Variants in NAALADL2 observed in about 807,000 individuals in gnomAD.
NAALADL2 encodes N-acetylated alpha-linked acidic dipeptidase like 2, also known as inactive N-acetylated-alpha-linked acidic dipeptidase-like protein 2.
In NAALADL2, 76 loss-of-function variants were observed where a neutral mutation model predicts 87.2. That is an observed-to-expected ratio of 0.87 (90% confidence interval 0.72 to 1.05). The LOEUF (loss-of-function observed/expected upper bound fraction) is 1.05, where lower values mean the gene tolerates loss of function less well. Ranked by LOEUF, NAALADL2 falls within the 50% of genes least tolerant of loss-of-function variation. The probability of loss-of-function intolerance (pLI) is 0.00; values close to 1 mark genes in which losing one functional copy is unlikely to be tolerated. For synonymous variants in NAALADL2, 354 were observed against 331.0 expected (o/e 1.07, Z -0.75); for missense variants, 1,089 against 945.8 (o/e 1.15, Z -1.99).
rs191851311 is a variant in NAALADL2, at chr3:175,155,136, G to A, written c.545+57845G>A. Among the ~76,000 whole-genome samples the A allele has an allele frequency of 2.8e-3, 427 of 152,266 alleles. 1 individual carries two copies. Among genetic ancestry groups the A allele is most frequent in the Middle Eastern group, 6.8e-3 (2 of 294 alleles). Reference sequence around the variant, plus strand: ...GCTGTGTGTAACAAACCCCTGGAGAGATGACAAAGCATAGGATGCCTGAGT... The same window carrying A: ...GCTGTGTGTAACAAACCCCTGGAGAAATGACAAAGCATAGGATGCCTGAGT... On this transcript the variant is annotated intron_variant, in intron 2 of 13. Coordinates refer to ENST00000454872, the MANE Select transcript of NAALADL2 (RefSeq NM_207015.3).
At chr3:175,133,390 T>C (rs1434935075) in intron 2 of NAALADL2, among the ~76,000 whole-genome samples, 5 of 151,990 alleles carry the variant, frequency 3.3e-5, no homozygotes, top group African/African-American at 1.2e-4. Context: ...GTGGAGGTTG[T>C]AGCGAGCCGA....
intron 2 of NAALADL2, among the ~76,000 whole-genome samples, chr3:175,196,917 A>G (rs1170557668): frequency 1.3e-5 from 2 of 151,866 alleles, no homozygotes; most frequent in Admixed American, 6.6e-5. Context: ...CTTGGTAGCA[A>G]TTTTGGCATC....
chr3:174,607,290 T>C (rs1340611276), intron 2 of NAALADL2, among the ~76,000 whole-genome samples: 1 of 151,362 alleles, frequency 6.6e-6, no homozygotes, highest in African/African-American at 2.4e-5. Flanking sequence ...AACATCATAA[T>C]GACAGGATCA....
chr3:174,824,866 A>G (rs1050310827), intron 3 of NAALADL2, among the ~76,000 whole-genome samples: 16 of 152,168 alleles, frequency 1.1e-4, no homozygotes, highest in South Asian at 2.1e-4. Context: ...TAACTCATCA[A>G]AAAAATAAGA....
At position 175,456,733 on chromosome 3, in the gene NAALADL2, T is replaced by C. The variant is rs73884409; in HGVS notation, c.1235-6668T>C. Among the ~76,000 whole-genome samples the C allele has an allele frequency of 5.6e-3, 848 of 152,190 alleles. 7 individuals carry two copies. Among genetic ancestry groups the C allele is most frequent in the African/African-American group, 0.019 (779 of 41,550 alleles). On this transcript the variant is annotated intron_variant, in intron 6 of 13. Coordinates refer to ENST00000454872, the MANE Select transcript of NAALADL2 (RefSeq NM_207015.3). Reference sequence around the variant, plus strand: ...AACCATCACAATCAGAAATTAATCATTGATACATTACTACCATGCATTCCA... The same window carrying C: ...AACCATCACAATCAGAAATTAATCACTGATACATTACTACCATGCATTCCA...
chr3:175,336,950 A>G (rs1332922373), intron 5 of NAALADL2, among the ~76,000 whole-genome samples: 1 of 152,188 alleles, frequency 6.6e-6, no homozygotes, highest in Non-Finnish European at 1.5e-5. Flanking sequence ...TAATACAGAT[A>G]CGCACATTTT....
intron 2 of NAALADL2, among the ~76,000 whole-genome samples, chr3:175,176,593 G>T (rs1020222623): frequency 6.6e-6 from 1 of 152,072 alleles, no homozygotes; most frequent in Non-Finnish European, 1.5e-5. Context: ...GATTGTTTTG[G>T]ATCAGTGGGG....
In NAALADL2 at chr3:175,412,639, C is replaced by T. The variant is rs958834869; in HGVS notation, c.1091-34590C>T. ...AAAAATACCCAGATGGTGTTTTGAA[C>T]ATTCTCATTAACGAATCAGTTCCTT... On this transcript the variant is annotated intron_variant, in intron 5 of 13. Coordinates refer to ENST00000454872, the MANE Select transcript of NAALADL2 (RefSeq NM_207015.3). 2.6e-5 allele frequency among the ~76,000 whole-genome samples: 4 copies of T among 151,920 alleles called. No individual in the cohort carries two copies. The South Asian group carries it at 6.2e-4, about 24-fold the overall frequency.
chr3:174,617,572 T>C (rs371658968), intron 2 of NAALADL2, among the ~76,000 whole-genome samples: 3 of 151,814 alleles, frequency 2.0e-5, no homozygotes, highest in Admixed American at 6.6e-5. Flanking sequence ...AAACTGTATG[T>C]AAATAAAGGA....
At chr3:174,441,980 T>A (rs1714685518) in intron 1 of NAALADL2, among the ~76,000 whole-genome samples, 1 of 152,122 alleles carries the variant, frequency 6.6e-6, no homozygotes, top group South Asian at 2.1e-4. Context: ...ACTTTTTTTT[T>A]AACCACCCGA....
intron 2 of NAALADL2, among the ~76,000 whole-genome samples, chr3:174,712,009 G>A (rs1344840900): frequency 2.0e-5 from 3 of 151,836 alleles, no homozygotes; most frequent in Non-Finnish European, 4.4e-5. Context: ...GGCTTGTCTC[G>A]AACTCCTGAC....
chr3:175,562,726 T>G (rs1394187396), intron 9 of NAALADL2, among the ~76,000 whole-genome samples: 1 of 152,054 alleles, frequency 6.6e-6, no homozygotes, highest in African/African-American at 2.4e-5. Flanking sequence ...TGAACAAGTA[T>G]GTAATGATTA....
intron 11 of NAALADL2, among the ~76,000 whole-genome samples, chr3:175,628,993 C>G (rs968513424): frequency 6.6e-5 from 10 of 150,698 alleles, no homozygotes; most frequent in African/African-American, 2.4e-4. Flanking sequence ...AAGCCTATCC[C>G]AGTTCTTTAT....
chr3:175,760,484 T>C (rs139215783), intron 13 of NAALADL2, among the ~76,000 whole-genome samples: 144 of 152,246 alleles, frequency 9.5e-4, no homozygotes, highest in African/African-American at 3.2e-3. Flanking sequence ...TGGTCAGCAA[T>C]GGGGAGCCAG....
intron 2 of NAALADL2, among the ~76,000 whole-genome samples, chr3:175,156,462 C>A (rs752251633): frequency 1.3e-5 from 2 of 152,156 alleles, no homozygotes; most frequent in Non-Finnish European, 1.5e-5. Flanking sequence ...TTATTTCCTA[C>A]ATTGCTTTTT....
At chr3:175,413,565 A>G (rs9814382) in intron 5 of NAALADL2, among the ~76,000 whole-genome samples, 79,556 of 127,170 alleles carry the variant, frequency 0.63, 23,168 homozygotes, top group East Asian at 0.71. Flanking sequence ...GCGAGACTCC[A>G]TCAAAAAAAA....
chr3:175,481,949 T>C (rs111772854), intron 9 of NAALADL2, among the ~76,000 whole-genome samples: 4,544 of 152,006 alleles, frequency 0.03, 228 homozygotes, highest in African/African-American at 0.1. Context: ...TAAACTTTAA[T>C]ACATGTATAT....
chr3:175,762,971 G>C (rs557139354), intron 13 of NAALADL2, among the ~76,000 whole-genome samples: 3 of 152,058 alleles, frequency 2.0e-5, no homozygotes, highest in Admixed American at 6.5e-5. Flanking sequence ...GTAGTCCCAG[G>C]TACTCGGGAA....
At chr3:174,853,443 C>T (rs1725494133) in intron 3 of NAALADL2, among the ~76,000 whole-genome samples, 1 of 147,590 alleles carries the variant, frequency 6.8e-6, no homozygotes, top group South Asian at 2.1e-4. Flanking sequence ...AAAAAGAAAA[C>T]TTTGGAAAAT....
Sources: gnomAD v4.1 joint callset for allele counts (sites outside exome capture counted in the v4.1 genomes callset) on GRCh38, gnomAD v4.1.1 for gene constraint, MANE v1.5 for transcripts, NCBI Gene and HGNC (gene_info 2026-07-23, HGNC 2026-07-21) for gene names.